The following GALNT8 variants were observed in gnomAD, a reference collection of about 807,000 sequenced individuals.
GALNT8 encodes polypeptide N-acetylgalactosaminyltransferase 8, also known as probable polypeptide N-acetylgalactosaminyltransferase 8.
A neutral mutation model predicts 62.7 loss-of-function variants in GALNT8; 66 were observed. That is an observed-to-expected ratio of 1.05 (90% CI 0.86 to 1.29). The LOEUF is 1.29. Among genes scored for constraint, GALNT8 ranks in the 50% most tolerant of loss-of-function variants. The pLI is 0.00. For missense variants in GALNT8, 771 were observed against 791.8 expected (o/e 0.97, Z 0.32); for synonymous variants, 288 against 294.3 (o/e 0.98, Z 0.22).
chr12:4,741,015 G>A (rs547210715), intron 3 of GALNT8, among the ~76,000 whole-genome samples: 75 of 152,306 alleles, frequency 4.9e-4, no homozygotes, highest in African/African-American at 1.7e-3. Context: ...AAATAAAAGA[G>A]AGTAGAATTA....
At chr12:4,748,584 C>G (rs982865678) in intron 6 of GALNT8, among the ~76,000 whole-genome samples, 1 of 151,950 alleles carries the variant, frequency 6.6e-6, no homozygotes, top group Non-Finnish European at 1.5e-5. Context: ...GTCTATGTGT[C>G]TGTTTTTATG....
intron 6 of GALNT8, among the ~76,000 whole-genome samples, chr12:4,751,845 G>A (rs1197552906): frequency 6.6e-6 from 1 of 152,086 alleles, no homozygotes. Flanking sequence ...GCTGAAAATA[G>A]GATGTTAAAG....
chr12:4,766,652 A>G (rs1946401424), intron 10 of GALNT8, among the ~76,000 whole-genome samples: 1 of 152,028 alleles, frequency 6.6e-6, no homozygotes, highest in Non-Finnish European at 1.5e-5. Context: ...GGAATTTATA[A>G]TGGATGGGCT....
intron 10 of GALNT8, among the ~76,000 whole-genome samples, chr12:4,771,217 G>A (rs1946422794): frequency 1.3e-5 from 2 of 152,228 alleles, no homozygotes; most frequent in African/African-American, 4.8e-5. Context: ...AGGCTGCTGT[G>A]GGCAGGTTTA....
chr12:4,744,320 A>G (rs946460458), intron 3 of GALNT8, among the ~76,000 whole-genome samples, 197 bp from the exon 4 acceptor site: 3 of 152,222 alleles, frequency 2.0e-5, no homozygotes, highest in African/African-American at 7.2e-5. Context: ...GACATTAGGA[A>G]TGATCACAGT....
intron 9 of GALNT8, 121 bp downstream of exon 9, chr12:4,764,168 G>A: frequency 2.8e-6 from 2 of 716,086 alleles, no homozygotes; most frequent in Non-Finnish European, 5.2e-6. Flanking sequence ...GAGCATCCTG[G>A]GTAAGGGTGA....
At chr12:4,743,024 G>A in intron 3 of GALNT8, among the ~76,000 whole-genome samples, 1 of 152,300 alleles carries the variant, frequency 6.6e-6, no homozygotes, top group South Asian at 2.1e-4. Flanking sequence ...TTTAATATTT[G>A]TTTTTCTAAA....
Position 4,747,134 on chromosome 12 carries a change from A to C in GALNT8, c.1173+876A>C, listed in dbSNP as rs556996748. ...TTTAGGGCGTGCATGTGATGTTTTG[A>C]TATAGGCATGCAATGAATAATAATC... On this transcript the variant is annotated intron_variant, in intron 6 of 10. Transcript: ENST00000252318. 1.6e-4 allele frequency among the ~76,000 whole-genome samples: 25 copies of C among 152,326 alleles called. 1 individual carries two copies. The highest frequency in any genetic ancestry group is 1.0e-3 in the Admixed American group (16 of 15,306).
chr12:4,746,298 A>G (rs375206785), intron 6 of GALNT8, 40 bp downstream of exon 6: 238 of 1,121,136 alleles, frequency 2.1e-4, no homozygotes, highest in Non-Finnish European at 2.9e-4. Context: ...CAAAGCAGAA[A>G]GGGGAATAAT....
At chr12:4,755,252 G>A (rs1946339497) in intron 6 of GALNT8, among the ~76,000 whole-genome samples, 1 of 152,220 alleles carries the variant, frequency 6.6e-6, no homozygotes, top group Non-Finnish European at 1.5e-5. Context: ...GGCAAGGTTT[G>A]TGGGAACTCA....
rs1161477176 is a variant in GALNT8, at chr12:4,772,459, A to T, written c.1776A>T (p.Ile592=). ...TTCCCCTCCAGGGAGGAGCTGTCAT[A>T]AACAGAGATACCAAGCGGTGTCTGG... ...YWDFKPGGAV[I]NRDTKRCLEM... Residue 592 remains isoleucine (I), a synonymous_variant, in exon 11 of 11, where the codon ATA becomes ATT. Coordinates refer to ENST00000252318, the MANE Select transcript of GALNT8 (RefSeq NM_017417.2). 1 of 1,613,812 alleles carries T rather than the reference A, an allele frequency of 6.2e-7. No individual in the cohort carries two copies. Among genetic ancestry groups the T allele is most frequent in the South Asian group, 1.1e-5 (1 of 91,054 alleles).
chr12:4,743,038 GAGAC>G (rs752632059), intron 3 of GALNT8, among the ~76,000 whole-genome samples: 7 of 152,166 alleles, frequency 4.6e-5, no homozygotes, highest in Non-Finnish European at 8.8e-5. Flanking sequence ...TTCTAAAAAA[GAGAC>G]AGTCTCACTC....
At chr12:4,747,139 G>A in intron 6 of GALNT8, among the ~76,000 whole-genome samples, 1 of 152,078 alleles carries the variant, frequency 6.6e-6, no homozygotes, top group South Asian at 2.1e-4. Context: ...TTTTGATATA[G>A]GCATGCAATG....
Position 4,746,244 on chromosome 12 carries a change from G to T in GALNT8, c.1159G>T (p.Glu387Ter). ...GMLIYGGENV[E>*]LSLRVWQCGG... Reference sequence around the variant, plus strand: ...GCTCATCTATGGAGGAGAGAACGTGGAGCTTAGCCTGAGGGTGGGTACATT... The same window carrying T: ...GCTCATCTATGGAGGAGAGAACGTGTAGCTTAGCCTGAGGGTGGGTACATT... The change falls in exon 6 of 11, where the codon GAG becomes TAG. Residue 387 changes from glutamate to a stop codon, truncating the protein, a stop_gained. Coordinates refer to ENST00000252318, the MANE Select transcript of GALNT8 (RefSeq NM_017417.2). LOFTEE classifies it high-confidence loss of function. 1 of 1,593,284 alleles carries T rather than the reference G, an allele frequency of 6.3e-7. No homozygotes were observed. The highest frequency in any genetic ancestry group is 2.2e-5 in the East Asian group (1 of 44,784).
intron 2 of GALNT8, among the ~76,000 whole-genome samples, chr12:4,727,154 G>A (rs907806045): frequency 1.3e-5 from 2 of 152,088 alleles, no homozygotes; most frequent in Non-Finnish European, 2.9e-5. Flanking sequence ...AGGGACTTGC[G>A]CAAGTCACAC....
chr12:4,755,760 A>T (rs1475322749), intron 6 of GALNT8, among the ~76,000 whole-genome samples: 1 of 152,226 alleles, frequency 6.6e-6, no homozygotes, highest in East Asian at 1.9e-4. Flanking sequence ...ACAAGTGCAG[A>T]TTCAAGATAT....
At chr12:4,758,637 TGAGAGAGAGA>T (rs60343127) in intron 6 of GALNT8, among the ~76,000 whole-genome samples, 770 of 59,710 alleles carry the variant, frequency 0.013, 6 homozygotes, top group African/African-American at 0.026. Flanking sequence ...TGTGTGTGTG[TGAGAGAGAGA>T]GAGAGAGAGA....
chr12:4,745,428 G>C lies in GALNT8; in HGVS notation c.861-1G>C. On this transcript the variant is annotated splice_acceptor_variant, in intron 4 of 10. Coordinates refer to ENST00000252318, the MANE Select transcript of GALNT8 (RefSeq NM_017417.2). LOFTEE classifies it high-confidence loss of function. ...GGGCTTTCTGCACACTCTTGTTCTA[G>C]GGCAGAGCCAATCTTGGCTCGGATT... is the stretch of plus-strand genomic sequence containing the variant. The C allele has an allele frequency of 1.3e-6, 2 of 1,598,570 alleles. No individual in the cohort carries two copies. The highest frequency in any genetic ancestry group is 2.2e-5 in the South Asian group (2 of 90,760).
chr12:4,730,610 T>C (rs1946217390), intron 2 of GALNT8, among the ~76,000 whole-genome samples: 1 of 152,210 alleles, frequency 6.6e-6, no homozygotes, highest in African/African-American at 2.4e-5. Context: ...TTGATTACCA[T>C]AGCTTAATAT....
Sources: gnomAD v4.1 joint callset for allele counts (sites outside exome capture counted in the v4.1 genomes callset) on GRCh38, gnomAD v4.1.1 for gene constraint, MANE v1.5 for transcripts, NCBI Gene and HGNC (gene_info 2026-07-23, HGNC 2026-07-21) for gene names.